The following METTL16 variants were observed in gnomAD, a reference collection of about 807,000 sequenced individuals.
The protein encoded by METTL16 is methyltransferase 16, RNA N6-adenosine.
In METTL16, 19 loss-of-function variants were observed where a neutral mutation model predicts 57.9. That is an observed-to-expected ratio of 0.33 (90% CI 0.23 to 0.48). The LOEUF is 0.48. Among genes scored for constraint, METTL16 ranks in the 20% least tolerant of loss-of-function variants. The pLI, the probability that METTL16 is intolerant of heterozygous loss-of-function variation, is 0.99. For synonymous variants in METTL16, 246 were observed against 255.6 expected (o/e 0.96, Z 0.36); for missense variants, 434 against 691.5 (o/e 0.63, Z 4.18).
In METTL16 at chr17:2,485,911, A is replaced by G. The variant is rs2067337854; in HGVS notation, c.129-8026T>C. On this transcript the variant is annotated intron_variant, in intron 2 of 9. Coordinates refer to ENST00000263092, the MANE Select transcript of METTL16 (RefSeq NM_024086.4). The stretch of plus-strand genomic sequence containing the variant: ...CCTAATTAGTGGATCTGCCTTAGGA[A>G]GGTCAGAGGAGGCTTCCCTGCACAG... Among the ~76,000 whole-genome samples the G allele has an allele frequency of 2.6e-5, 4 of 152,202 alleles. No homozygotes were observed. In the South Asian group the frequency reaches 8.3e-4, roughly 32 times the overall value.
intron 2 of METTL16, among the ~76,000 whole-genome samples, chr17:2,478,925 C>T (rs1375004506): frequency 6.6e-6 from 1 of 152,158 alleles, no homozygotes; most frequent in African/African-American, 2.4e-5. Flanking sequence ...TGTTGACCAT[C>T]ACGAACAATG....
At chr17:2,465,053 T>A (rs1329359851) in intron 5 of METTL16, among the ~76,000 whole-genome samples, 1 of 152,144 alleles carries the variant, frequency 6.6e-6, no homozygotes, top group African/African-American at 2.4e-5. Flanking sequence ...TAAAGAATGC[T>A]TACAACTTAA....
chr17:2,478,966 T>C (rs2067285373), intron 2 of METTL16, among the ~76,000 whole-genome samples: 1 of 152,192 alleles, frequency 6.6e-6, no homozygotes, highest in African/African-American at 2.4e-5. Context: ...CAAGTCTTTG[T>C]GTGGACATAC....
At chr17:2,490,536 A>T (rs1030899942) in intron 2 of METTL16, among the ~76,000 whole-genome samples, 40 of 152,346 alleles carry the variant, frequency 2.6e-4, no homozygotes, top group African/African-American at 9.1e-4. Flanking sequence ...TTTTGTATGT[A>T]TGTGACATTA....
Position 2,506,434 on chromosome 17 carries a change from C to G in METTL16, c.1-4103G>C, listed in dbSNP as rs553700993. 2.5e-3 allele frequency among the ~76,000 whole-genome samples: 383 copies of G among 151,684 alleles called. 2 individuals are homozygous for G. The highest frequency in any genetic ancestry group is 8.9e-3 in the African/African-American group (370 of 41,408). ...CCGAGTGCCTGCGATTGCAGGCGCACGCCGCCACGCCTGACTGGTTTTCGT... is the reference window on the plus strand; with the variant it reads ...CCGAGTGCCTGCGATTGCAGGCGCAGGCCGCCACGCCTGACTGGTTTTCGT... On this transcript the variant is annotated intron_variant, in intron 1 of 9. Transcript: ENST00000263092.
intron 6 of METTL16, among the ~76,000 whole-genome samples, chr17:2,457,233 G>A (rs2067117328): frequency 6.6e-6 from 1 of 150,874 alleles, no homozygotes; most frequent in African/African-American, 2.4e-5. Context: ...AGCTACTAGG[G>A]AGGCTGAGGC....
At chr17:2,491,036 T>C (rs765346572) in intron 2 of METTL16, among the ~76,000 whole-genome samples, 4 of 152,238 alleles carry the variant, frequency 2.6e-5, no homozygotes, top group Non-Finnish European at 4.4e-5. Flanking sequence ...GACACTAGTC[T>C]GAGTGTCAAA....
chr17:2,431,556 G>A (rs1290948420), intron 8 of METTL16, among the ~76,000 whole-genome samples: 1 of 152,124 alleles, frequency 6.6e-6, no homozygotes, highest in Non-Finnish European at 1.5e-5. Flanking sequence ...CTAAAGATAT[G>A]TTCTCCTGAA....
chr17:2,420,174 C>T lies in METTL16; in HGVS notation c.1485G>A (p.Gln495=), dbSNP rs774102512. The T allele has an allele frequency of 1.2e-6, 2 of 1,614,262 alleles. No individual in the cohort carries two copies. The highest frequency in any genetic ancestry group is 1.7e-6 in the Non-Finnish European group (2 of 1,180,046). The change falls in exon 10 of 10, where the codon CAG becomes CAA. Residue 495 remains glutamine (Q), a synonymous_variant. Transcript: ENST00000263092. This position sits in a 1 kb window ranked among gnomAD's most constrained non-coding sequence, Gnocchi z 5.4. ...CCCTTTCAGCCACTGGGCTGCCGAA[C>T]TGCTCAGAAGCCTCTTGGTCCTGGG... The part of the protein sequence containing the change: ...NGAQDQEASE[Q]FGSPVAERGK...
At position 2,419,622 on chromosome 17, in the gene METTL16, T is replaced by TGC. The variant is rs2066744847; in HGVS notation, c.*346_*347dup. 2.0e-6 allele frequency: 1 copy of TGC among 498,886 alleles called. No individual in the cohort carries two copies. The highest frequency in any genetic ancestry group is 1.5e-5 in the South Asian group (1 of 64,928). The allele number at this position is 498,886 out of a possible 1,614,324, so 30.9% of individuals were successfully genotyped here. A position where few individuals can be genotyped will look rare whatever the true frequency, so the allele number is the denominator to read the frequency against. On this transcript the variant is annotated 3_prime_UTR_variant, in exon 10 of 10. Transcript: ENST00000263092. ...AGAGACAGCATGATATTCTAGGCAG[T>TGC]GCTGCCCAGCCCAGACTCCACAAAC...
At chr17:2,492,705 C>A (rs909209799) in intron 2 of METTL16, among the ~76,000 whole-genome samples, 1 of 151,898 alleles carries the variant, frequency 6.6e-6, no homozygotes, top group African/African-American at 2.4e-5. Flanking sequence ...GCCTGGCCAA[C>A]ATGGTGAAAC....
rs148299119 is a variant in METTL16, at chr17:2,429,841, C to T, written c.888+8268G>A. Among the ~76,000 whole-genome samples the T allele has an allele frequency of 2.8e-3, 424 of 151,750 alleles. 2 individuals carry two copies. Among genetic ancestry groups the T allele is most frequent in the African/African-American group, 9.7e-3 (400 of 41,396 alleles). ...TTTTTTTTTTTCTGAGGCGGAGTCT[C>T]GCTCTGTCGCCCAGGCTGGAGTGCA... is the stretch of plus-strand genomic sequence containing the variant. On this transcript the variant is annotated intron_variant, in intron 8 of 9. Coordinates refer to ENST00000263092, the MANE Select transcript of METTL16 (RefSeq NM_024086.4).
chr17:2,465,391 CA>C (rs929528572), intron 5 of METTL16, among the ~76,000 whole-genome samples: 1 of 151,052 alleles, frequency 6.6e-6, no homozygotes, highest in Admixed American at 6.6e-5. Context: ...AAAAAAAATA[CA>C]AAAAATTAGC....
chr17:2,494,682 G>A (rs1247118902), intron 2 of METTL16, among the ~76,000 whole-genome samples: 1 of 151,874 alleles, frequency 6.6e-6, no homozygotes, highest in Non-Finnish European at 1.5e-5. Flanking sequence ...CTCCAGCCTG[G>A]GCAACAGGAA....
Position 2,416,577 on chromosome 17 carries a change from G to C in METTL16, c.*3393C>G, listed in dbSNP as rs1054012399. The C allele has an allele frequency of 6.6e-6, 1 of 152,304 alleles. No individual in the cohort carries two copies. The highest frequency in any genetic ancestry group is 2.4e-5 in the African/African-American group (1 of 41,436). 9.4% of individuals were successfully genotyped at this position (152,304 alleles called of 1,614,324 possible). On this transcript the variant is annotated 3_prime_UTR_variant, in exon 10 of 10. Coordinates refer to ENST00000263092, the MANE Select transcript of METTL16 (RefSeq NM_024086.4). ...GGGACAGTGCGGCCAGCATGTGTGG[G>C]GAAGGAAGCAGGCTGACGGAGGCAA...
chr17:2,444,867 C>G (rs1360528625), intron 6 of METTL16, among the ~76,000 whole-genome samples: 1 of 152,062 alleles, frequency 6.6e-6, no homozygotes, highest in African/African-American at 2.4e-5. Context: ...GCACCCCCTC[C>G]ACCACTCCCA....
chr17:2,417,709 TAC>T lies in METTL16; in HGVS notation c.*2259_*2260del, dbSNP rs1412430622. ...AACCCACACACTCACACACCCCGTCTACAGAGAGACTAGAAAGGAACACGCCA... is the reference window on the plus strand; with the variant it reads ...AACCCACACACTCACACACCCCGTCTAGAGAGACTAGAAAGGAACACGCCA... On this transcript the variant is annotated 3_prime_UTR_variant, in exon 10 of 10. Transcript: ENST00000263092. 1 of 152,140 alleles carries T rather than the reference TAC, an allele frequency of 6.6e-6. No homozygotes were observed. The highest frequency in any genetic ancestry group is 6.6e-5 in the Admixed American group (1 of 15,264). The allele number at this position is 152,140 out of a possible 1,614,324, so 9.4% of individuals were successfully genotyped here.
At chr17:2,496,585 T>C (rs2151578030) in intron 2 of METTL16, among the ~76,000 whole-genome samples, 1 of 151,956 alleles carries the variant, frequency 6.6e-6, no homozygotes, top group Non-Finnish European at 1.5e-5. Context: ...CTTTATTTGA[T>C]TTAGGGGGAA....
At chr17:2,472,048 A>G (rs1377752777) in intron 4 of METTL16, among the ~76,000 whole-genome samples, 1 of 151,642 alleles carries the variant, frequency 6.6e-6, no homozygotes, top group Non-Finnish European at 1.5e-5. Flanking sequence ...CAGGAGGCAG[A>G]GGTTGCAGTG....
Sources: gnomAD v4.1 joint callset for allele counts (sites outside exome capture counted in the v4.1 genomes callset) on GRCh38, gnomAD v4.1.1 for gene constraint, Gnocchi (gnomAD v3.1) non-coding constraint, MANE v1.5 for transcripts, NCBI Gene and HGNC (gene_info 2026-07-23, HGNC 2026-07-21) for gene names.